CLEC16A: variants seen among roughly 807,000 people sequenced by gnomAD.
CLEC16A encodes C-type lectin domain containing 16A, also known as protein CLEC16A.
In CLEC16A, 51 loss-of-function variants were observed where a neutral mutation model predicts 109.5. That is an observed-to-expected ratio of 0.47 (90% CI 0.37 to 0.59). The LOEUF (loss-of-function observed/expected upper bound fraction) is 0.59. Ranked by LOEUF, CLEC16A falls within the 20% of genes least tolerant of loss-of-function variation. The pLI is 0.00. For missense variants in CLEC16A, 1,339 were observed against 1,394.0 expected, an observed-to-expected ratio of 0.96 and a Z score of 0.63; for synonymous variants, 673 against 564.2, an observed-to-expected ratio of 1.19 and a Z score of -2.73.
At chr16:11,055,574 G>A (rs1228795586) in intron 18 of CLEC16A, among the ~76,000 whole-genome samples, 1 of 53,368 alleles carries the variant, frequency 1.9e-5, no homozygotes, top group African/African-American at 1.1e-4. Context: ...TTTCCCTCTT[G>A]CTTTTTTTTT....
chr16:11,095,777 A>C (rs1408673222), intron 19 of CLEC16A, among the ~76,000 whole-genome samples: 12 of 144,378 alleles, frequency 8.3e-5, no homozygotes, highest in African/African-American at 2.3e-4. Context: ...GTACCGCTGC[A>C]CTCCACCCTG....
At chr16:11,081,393 C>T (rs551713106) in intron 19 of CLEC16A, among the ~76,000 whole-genome samples, 33 of 152,206 alleles carry the variant, frequency 2.2e-4, no homozygotes, top group Non-Finnish European at 4.4e-4. Flanking sequence ...CTGTCCTGGG[C>T]ACCCAGCCAC....
intron 3 of CLEC16A, among the ~76,000 whole-genome samples, chr16:10,964,837 A>G (rs1407961831): frequency 1.3e-5 from 2 of 152,252 alleles, no homozygotes; most frequent in Non-Finnish European, 1.5e-5. Context: ...AATCAAGTGA[A>G]TTAACATATC....
chr16:11,070,236 A>G (rs572203947), intron 19 of CLEC16A, among the ~76,000 whole-genome samples: 3 of 152,104 alleles, frequency 2.0e-5, no homozygotes, highest in East Asian at 3.9e-4. Flanking sequence ...ACGCCCAGCT[A>G]ATTTTTTTGT....
chr16:11,046,540 A>G (rs1172421735), intron 16 of CLEC16A, among the ~76,000 whole-genome samples: 2 of 152,164 alleles, frequency 1.3e-5, no homozygotes, highest in African/African-American at 4.8e-5. Flanking sequence ...GTCATTGTCC[A>G]GTAGAGATTA....
At chr16:11,088,537 G>T (rs750838962) in intron 19 of CLEC16A, among the ~76,000 whole-genome samples, 4 of 152,188 alleles carry the variant, frequency 2.6e-5, no homozygotes, top group Admixed American at 1.3e-4. Flanking sequence ...GCGACCCCTG[G>T]GTAGGAAGCT....
chr16:11,018,530 A>G (rs564236969), intron 11 of CLEC16A, among the ~76,000 whole-genome samples: 1 of 152,166 alleles, frequency 6.6e-6, no homozygotes, highest in East Asian at 1.9e-4. Flanking sequence ...CAGGCAGATC[A>G]TGAGGTCAGG....
At chr16:10,958,489 C>T (rs1364990910) in intron 2 of CLEC16A, among the ~76,000 whole-genome samples, 1 of 152,218 alleles carries the variant, frequency 6.6e-6, no homozygotes, top group Non-Finnish European at 1.5e-5. Context: ...GGCTCTTCAT[C>T]TCCCTAAGCC....
At chr16:11,170,543 G>A (rs749246492) in intron 23 of CLEC16A, among the ~76,000 whole-genome samples, 1 of 152,178 alleles carries the variant, frequency 6.6e-6, no homozygotes, top group Non-Finnish European at 1.5e-5. Flanking sequence ...CCAGGATTTA[G>A]GCTCAGGCTG....
chr16:10,974,518 C>G (rs1042877672), intron 7 of CLEC16A, among the ~76,000 whole-genome samples: 4 of 152,156 alleles, frequency 2.6e-5, no homozygotes, highest in African/African-American at 9.7e-5. Flanking sequence ...GCCTCTCTAC[C>G]TGCTAGATGC....
intron 19 of CLEC16A, among the ~76,000 whole-genome samples, chr16:11,092,203 G>A (rs1451585684): frequency 3.9e-5 from 6 of 152,084 alleles, no homozygotes; most frequent in African/African-American, 4.8e-5. Flanking sequence ...AACTAGCCAC[G>A]TGTGGTGGTA....
intron 19 of CLEC16A, among the ~76,000 whole-genome samples, chr16:11,091,940 T>A (rs2050326645): frequency 6.6e-6 from 1 of 152,146 alleles, no homozygotes; most frequent in Non-Finnish European, 1.5e-5. Context: ...GGGACTGCCA[T>A]GGGTTTGCTT....
chr16:11,003,621 G>A (rs2044803963), intron 11 of CLEC16A, among the ~76,000 whole-genome samples: 1 of 152,194 alleles, frequency 6.6e-6, no homozygotes, highest in Non-Finnish European at 1.5e-5. Context: ...AATTAAATGA[G>A]CGAATATGTG....
intron 22 of CLEC16A, among the ~76,000 whole-genome samples, chr16:11,146,489 T>C (rs951295011): frequency 7.4e-6 from 1 of 135,264 alleles, no homozygotes; most frequent in Admixed American, 7.7e-5. Flanking sequence ...AAGGGGTAGA[T>C]GGATGAATGG....
At chr16:10,980,406 C>G (rs1301681542) in intron 9 of CLEC16A, among the ~76,000 whole-genome samples, 2 of 151,978 alleles carry the variant, frequency 1.3e-5, no homozygotes, top group Non-Finnish European at 2.9e-5. Flanking sequence ...CTGCCTCTTT[C>G]CAAGTCTGCC....
At chr16:10,971,523 G>A (rs913670248) in intron 5 of CLEC16A, 7 of 982,886 alleles carry the variant, frequency 7.1e-6, no homozygotes, top group Non-Finnish European at 8.5e-6. Flanking sequence ...ATTTGAGAAA[G>A]CAAAGTTGTC....
At chr16:10,957,683 G>A (rs1048321774) in intron 1 of CLEC16A, 99 bp from the exon 2 acceptor site, 36 of 1,228,928 alleles carry the variant, frequency 2.9e-5, no homozygotes, top group Non-Finnish European at 4.3e-5. Context: ...ACCTGAAAAA[G>A]CATTGCTGCA....
At chr16:11,033,359 A>G (rs1018899001) in intron 13 of CLEC16A, among the ~76,000 whole-genome samples, 3 of 152,176 alleles carry the variant, frequency 2.0e-5, no homozygotes, top group East Asian at 1.9e-4. Context: ...CTGTGTGACC[A>G]ATAGTGCCAT....
chr16:11,013,395 G>A (rs937327715), intron 11 of CLEC16A, among the ~76,000 whole-genome samples: 6 of 152,092 alleles, frequency 3.9e-5, no homozygotes, highest in African/African-American at 1.4e-4. Flanking sequence ...TTGGGAGGCT[G>A]AGATGGGCGG....
Sources: allele counts gnomAD v4.1 joint callset (sites outside exome capture counted in the v4.1 genomes callset), GRCh38; gene constraint gnomAD v4.1.1; transcripts MANE v1.5; gene names NCBI Gene and HGNC (gene_info 2026-07-23, HGNC 2026-07-21).